The following WDTC1 variants were observed in gnomAD, a reference collection of about 807,000 sequenced individuals.
WDTC1 encodes WD and tetratricopeptide repeats protein 1.
WDTC1 carries 12 observed loss-of-function variants against 76.0 expected under a neutral mutation model. The observed-to-expected ratio is 0.16, with a 90% confidence interval of 0.10 to 0.26. The LOEUF is 0.26. WDTC1 is among the 10% of genes least tolerant of loss of function. WDTC1 has a pLI of 1.00. For missense variants in WDTC1, 511 were observed against 908.8 expected, an observed-to-expected ratio of 0.56 and a Z score of 5.63; for synonymous variants, 326 against 350.8, an observed-to-expected ratio of 0.93 and a Z score of 0.79.
At chr1:27,247,970 G>A (rs1441975619) in intron 1 of WDTC1, among the ~76,000 whole-genome samples, 5 of 151,804 alleles carry the variant, frequency 3.3e-5, no homozygotes, top group African/African-American at 4.8e-5. Context: ...TGCCCGCCTC[G>A]GCCTCCCAAA....
intron 12 of WDTC1, among the ~76,000 whole-genome samples, chr1:27,299,449 T>TG (rs1012417382): frequency 1.3e-5 from 2 of 151,782 alleles, no homozygotes; most frequent in African/African-American, 4.8e-5. Context: ...TGAATGGGCT[T>TG]TAAGTGTAGG....
chr1:27,292,163 TTCCTC>T, intron 6 of WDTC1, 47 bp from the exon 7 acceptor site: 1 of 1,430,966 alleles, frequency 7.0e-7, no homozygotes, highest in South Asian at 1.5e-5. Context: ...TTCCCCTGCC[TTCCTC>T]TCAAGGACCC....
intron 1 of WDTC1, among the ~76,000 whole-genome samples, chr1:27,244,667 T>C (rs2011753556): frequency 6.6e-6 from 1 of 152,216 alleles, no homozygotes; most frequent in Admixed American, 6.5e-5. Context: ...TCCAATGACC[T>C]TTATGCATTG....
chr1:27,275,880 C>T (rs1457783292), intron 3 of WDTC1, among the ~76,000 whole-genome samples: 1 of 152,172 alleles, frequency 6.6e-6, no homozygotes, highest in Non-Finnish European at 1.5e-5. Context: ...AACCTCTTAC[C>T]CATCTTAGCA....
chr1:27,288,658 G>T lies in WDTC1; in HGVS notation c.479+797G>T, dbSNP rs866843996. ...CACAGCACATGTTTCAGAGAGCACA[G>T]GGTTGGGGGTAAGGTCACAGATCAA... On this transcript the variant is annotated intron_variant, in intron 6 of 15. Transcript: ENST00000319394. 7.3e-3 allele frequency among the ~76,000 whole-genome samples: 1,112 copies of T among 151,624 alleles called. 7 individuals are homozygous for T. Among genetic ancestry groups the T allele is most frequent in the African/African-American group, 0.025 (1,051 of 41,280 alleles).
chr1:27,279,481 T>C (rs1230117496), intron 3 of WDTC1, among the ~76,000 whole-genome samples: 1 of 152,192 alleles, frequency 6.6e-6, no homozygotes, highest in Non-Finnish European at 1.5e-5. Flanking sequence ...ATATAATCGC[T>C]CCTTTTCATG....
intron 1 of WDTC1, among the ~76,000 whole-genome samples, chr1:27,250,544 ACT>A (rs1397529224): frequency 6.6e-6 from 1 of 152,152 alleles, no homozygotes; most frequent in African/African-American, 2.4e-5. Context: ...GGAAATTGAA[ACT>A]CAGAAAATTT....
chr1:27,243,665 CAT>C (rs2011707858), intron 1 of WDTC1, among the ~76,000 whole-genome samples: 1 of 152,180 alleles, frequency 6.6e-6, no homozygotes, highest in South Asian at 2.1e-4. Context: ...GCACCTGTCT[CAT>C]AGGATTATTA....
intron 3 of WDTC1, among the ~76,000 whole-genome samples, chr1:27,279,479 G>A (rs547422331): frequency 3.3e-5 from 5 of 152,256 alleles, no homozygotes; most frequent in South Asian, 4.1e-4. Flanking sequence ...AAATATAATC[G>A]CTCCTTTTCA....
intron 12 of WDTC1, among the ~76,000 whole-genome samples, chr1:27,298,359 A>G (rs2013745616): frequency 6.6e-6 from 1 of 152,342 alleles, no homozygotes; most frequent in East Asian, 1.9e-4. Flanking sequence ...CATGTTCAAA[A>G]CTAGTTTCTA....
chr1:27,238,056 C>T (rs149897092), intron 1 of WDTC1, among the ~76,000 whole-genome samples: 156 of 152,218 alleles, frequency 1.0e-3, no homozygotes, highest in African/African-American at 3.5e-3. Context: ...TCATGACTGT[C>T]CTGTGAGGTG....
chr1:27,274,242 G>A lies in WDTC1; in HGVS notation c.133-7997G>A, dbSNP rs1466116938. The stretch of plus-strand genomic sequence containing the variant: ...GGAGGTTGAGGCTGCAGTGAGCCAT[G>A]ATCATACCACTTACTCCAGCCTGGG... On this transcript the variant is annotated intron_variant, in intron 3 of 15. Transcript: ENST00000319394. This position sits in a 1 kb window ranked among gnomAD's most constrained non-coding sequence, Gnocchi z 4.2. Among the ~76,000 whole-genome samples the A allele has an allele frequency of 6.6e-6, 1 of 152,030 alleles. No individual in the cohort carries two copies. The highest frequency in any genetic ancestry group is 6.6e-5 in the Admixed American group (1 of 15,248).
intron 1 of WDTC1, among the ~76,000 whole-genome samples, chr1:27,260,444 G>A (rs959612681): frequency 1.3e-5 from 2 of 152,176 alleles, no homozygotes; most frequent in Non-Finnish European, 2.9e-5. Flanking sequence ...ATTAGGTTGG[G>A]TCTTGGACAC....
chr1:27,304,741 T>C (rs953552595), intron 14 of WDTC1: 1 of 369,984 alleles, frequency 2.7e-6, no homozygotes, highest in African/African-American at 2.1e-5. Flanking sequence ...TGTAAGATGA[T>C]CCTGGCCCAA....
intron 1 of WDTC1, among the ~76,000 whole-genome samples, chr1:27,237,264 G>C (rs1049152931): frequency 6.6e-6 from 1 of 152,138 alleles, no homozygotes; most frequent in East Asian, 1.9e-4. Context: ...CACGGCCTCC[G>C]TGACCACTCT....
intron 8 of WDTC1, 57 bp from the exon 9 acceptor site, chr1:27,294,442 ACTGACTTCACACAAT>A: frequency 7.3e-7 from 1 of 1,374,682 alleles, no homozygotes; most frequent in African/African-American, 1.4e-5. Flanking sequence ...TTTTGATATG[ACTGACTTCACACAAT>A]CTCATGCCCC....
intron 3 of WDTC1, among the ~76,000 whole-genome samples, chr1:27,280,529 G>T (rs1449231588): frequency 6.6e-6 from 1 of 152,216 alleles, no homozygotes; most frequent in East Asian, 1.9e-4. Context: ...CTGGCATTTA[G>T]TAAGTGTTCT....
At chr1:27,240,261 C>A (rs913420756) in intron 1 of WDTC1, among the ~76,000 whole-genome samples, 1 of 152,110 alleles carries the variant, frequency 6.6e-6, no homozygotes, top group Non-Finnish European at 1.5e-5. Flanking sequence ...ATTATCCCCA[C>A]TTTACAAATG....
intron 1 of WDTC1, among the ~76,000 whole-genome samples, chr1:27,244,413 C>T (rs919386928): frequency 3.3e-5 from 5 of 152,126 alleles, no homozygotes; most frequent in Admixed American, 3.3e-4. Context: ...TCAATATAGC[C>T]TCAAACTCCT....
Sources: allele counts gnomAD v4.1 joint callset (sites outside exome capture counted in the v4.1 genomes callset), GRCh38; gene constraint gnomAD v4.1.1; non-coding constraint Gnocchi (gnomAD v3.1); transcripts MANE v1.5; gene names NCBI Gene and HGNC (gene_info 2026-07-23, HGNC 2026-07-21).